The following MYO3A variants were observed in gnomAD, a reference collection of about 807,000 sequenced individuals.
The protein encoded by MYO3A is myosin-IIIa.
MYO3A carries 180 observed loss-of-function variants against 192.7 expected under a neutral mutation model. That is an observed-to-expected ratio of 0.93 (90% CI 0.83 to 1.06). The LOEUF is 1.06. Among genes scored for constraint, MYO3A ranks in the 50% least tolerant of loss-of-function variants. The probability of loss-of-function intolerance (pLI) is 0.00; values close to 1 mark genes in which losing one functional copy is unlikely to be tolerated. For synonymous variants in MYO3A, 628 were observed against 645.3 expected, an observed-to-expected ratio of 0.97 and a Z score of 0.41; for missense variants, 1,896 against 1,905.0, an observed-to-expected ratio of 1.00 and a Z score of 0.09.
chr10:26,075,335 G>A (rs1835463863), intron 14 of MYO3A, among the ~76,000 whole-genome samples: 1 of 150,782 alleles, frequency 6.6e-6, no homozygotes, highest in African/African-American at 2.4e-5. Context: ...ACATAACTAA[G>A]CTCTTTAGTA....
At chr10:26,024,909 C>T (rs1588804979) in intron 9 of MYO3A, among the ~76,000 whole-genome samples, 1 of 152,294 alleles carries the variant, frequency 6.6e-6, no homozygotes, top group African/African-American at 2.4e-5. Context: ...CCTGTTTTGA[C>T]ATCTTTCTCT....
At chr10:26,024,236 G>A (rs560276124) in intron 9 of MYO3A, 149 bp downstream of exon 9, 1 of 762,512 alleles carries the variant, frequency 1.3e-6, no homozygotes, top group Admixed American at 2.4e-5. Flanking sequence ...TAAATGTTGG[G>A]TGAATTTATC....
intron 14 of MYO3A, among the ~76,000 whole-genome samples, chr10:26,078,635 G>A (rs1168136859): frequency 6.6e-6 from 1 of 151,958 alleles, no homozygotes; most frequent in Non-Finnish European, 1.5e-5. Flanking sequence ...TTTTTTTGAT[G>A]TAAGCATTTA....
intron 10 of MYO3A, among the ~76,000 whole-genome samples, chr10:26,065,044 TA>T (rs1015731919): frequency 5.9e-5 from 9 of 152,064 alleles, no homozygotes; most frequent in African/African-American, 2.2e-4. Context: ...CCCCAAAATG[TA>T]ACAGAAAGAT....
At chr10:26,050,440 T>A (rs1211552053) in intron 10 of MYO3A, among the ~76,000 whole-genome samples, 2 of 152,238 alleles carry the variant, frequency 1.3e-5, no homozygotes, top group African/African-American at 4.8e-5. Context: ...GCAGCGGCTC[T>A]GGTAATACAG....
rs751175635 is a variant in MYO3A at position 26,079,041 on chromosome 10, A to G, written c.1359+8640A>G. On this transcript the variant is annotated intron_variant, in intron 14 of 34. Transcript: ENST00000642920. Reference sequence around the variant, plus strand: ...CTGTTAAGTCCATTTGTTCCAAGGTATAGTTTAAATCCATTGTTTCTTTGT... The same window carrying G: ...CTGTTAAGTCCATTTGTTCCAAGGTGTAGTTTAAATCCATTGTTTCTTTGT... 3.3e-5 allele frequency among the ~76,000 whole-genome samples: 5 copies of G among 152,226 alleles called. No individual in the cohort carries two copies. In the East Asian group the frequency reaches 5.8e-4, roughly 18 times the overall value.
intron 6 of MYO3A, among the ~76,000 whole-genome samples, chr10:26,009,354 G>T (rs1033944575): frequency 2.6e-5 from 4 of 152,072 alleles, no homozygotes; most frequent in Admixed American, 2.6e-4. Flanking sequence ...TGCACATTGT[G>T]CACATGTACC....
Position 26,142,921 on chromosome 10 carries a change from A to G in MYO3A, c.2263-527A>G, listed in dbSNP as rs548381966. Among the ~76,000 whole-genome samples, 6 of 152,346 alleles carry G rather than the reference A, an allele frequency of 3.9e-5. No individual in the cohort carries two copies. The South Asian group carries it at 1.2e-3, about 32-fold the overall frequency. On this transcript the variant is annotated intron_variant, in intron 20 of 34. Coordinates refer to ENST00000642920, the MANE Select transcript of MYO3A (RefSeq NM_017433.5). The stretch of plus-strand genomic sequence containing the variant: ...TACATCTTGAAAACTTAGGATGTCC[A>G]TAATTCTAGTATGGAGACTAGAGCT...
In MYO3A at chr10:26,154,747, GC is replaced by G. The variant is rs1352030544; in HGVS notation, c.2718del (p.Asp907ThrfsTer15). ...CACTGTCTTCCTTGGTCTCCTTAGGGCGACACTGGAGAAGCCACACGTCATG... is the reference window on the plus strand; with the variant it reads ...CACTGTCTTCCTTGGTCTCCTTAGGGGACACTGGAGAAGCCACACGTCATG... ...TSEKLINLAK[G>X]DTGEATRHAR... On this transcript the variant is annotated frameshift_variant and splice_region_variant, in exon 25 of 35. Coordinates refer to ENST00000642920, the MANE Select transcript of MYO3A (RefSeq NM_017433.5). LOFTEE classifies it high-confidence loss of function. The G allele has an allele frequency of 6.2e-7, 1 of 1,613,546 alleles. No individual in the cohort carries two copies. Among genetic ancestry groups the G allele is most frequent in the East Asian group, 2.2e-5 (1 of 44,830 alleles).
intron 14 of MYO3A, among the ~76,000 whole-genome samples, chr10:26,077,233 G>GTGTTTTTTTTTT (rs1835633273): frequency 2.8e-5 from 1 of 36,284 alleles, no homozygotes; most frequent in Non-Finnish European, 5.3e-5. Flanking sequence ...TATTCCTAAG[G>GTGTTTTTTTTTT]TTTTTTTTTT....
At position 25,952,213 on chromosome 10, in the gene MYO3A, G is replaced by A; in HGVS notation, c.103G>A (p.Val35Ile). 3 of 1,612,806 alleles carry A rather than the reference G, an allele frequency of 1.9e-6. No individual in the cohort carries two copies. The highest frequency in any genetic ancestry group is 2.5e-6 in the Non-Finnish European group (3 of 1,179,236). ...AATTGGCAAAGGAACTTATGGGAAAGTTTTTAAAGTATTGAATAAGAAAAA... is the reference window on the plus strand; with the variant it reads ...AATTGGCAAAGGAACTTATGGGAAAATTTTTAAAGTATTGAATAAGAAAAA... ...ETIGKGTYGK[V>I]FKVLNKKNGQ... is the part of the protein sequence containing the mutation. Residue 35 changes from valine to isoleucine, a missense_variant, in exon 3 of 35, where the codon GTT (valine) becomes ATT (isoleucine). Transcript: ENST00000642920.
chr10:26,007,879 CTACTT>C (rs1841338844), intron 6 of MYO3A, among the ~76,000 whole-genome samples: 1 of 152,204 alleles, frequency 6.6e-6, no homozygotes, highest in Admixed American at 6.5e-5. Context: ...TTGGAAAAAA[CTACTT>C]TACAGTTCAT....
At chr10:26,009,560 C>G (rs10828931) in intron 6 of MYO3A, among the ~76,000 whole-genome samples, 1 of 151,974 alleles carries the variant, frequency 6.6e-6, no homozygotes, top group East Asian at 1.9e-4. Flanking sequence ...TCCTCAGGTG[C>G]GGGTGTGCAG....
At chr10:26,006,855 G>T (rs1841251396) in intron 6 of MYO3A, among the ~76,000 whole-genome samples, 1 of 151,602 alleles carries the variant, frequency 6.6e-6, no homozygotes, top group African/African-American at 2.4e-5. Flanking sequence ...AATAGAAAAA[G>T]AGGGAATCCT....
chr10:26,120,918 T>C (rs1484866964), intron 18 of MYO3A, 116 bp downstream of exon 18: 47 of 1,316,168 alleles, frequency 3.6e-5, no homozygotes, highest in Non-Finnish European at 4.7e-5. Flanking sequence ...CTTAAAAGAA[T>C]ACTCAGATTT....
At chr10:26,090,821 G>A (rs1836655153) in intron 15 of MYO3A, among the ~76,000 whole-genome samples, 1 of 152,252 alleles carries the variant, frequency 6.6e-6, no homozygotes, top group Admixed American at 6.5e-5. Context: ...GAAGAGCCAA[G>A]AATGAATGGT....
intron 31 of MYO3A, among the ~76,000 whole-genome samples, chr10:26,178,946 C>T (rs1434088969): frequency 2.6e-5 from 4 of 151,864 alleles, no homozygotes; most frequent in Admixed American, 6.5e-5. Context: ...GGGCTCCAGG[C>T]GCCAGCCACC....
chr10:25,938,242 G>T (rs192517425), intron 2 of MYO3A, among the ~76,000 whole-genome samples: 2 of 152,300 alleles, frequency 1.3e-5, no homozygotes, highest in Admixed American at 1.3e-4. Context: ...AAACCAGTCT[G>T]ATAGAGGCTT....
chr10:26,039,768 T>C (rs1285490649), intron 10 of MYO3A, among the ~76,000 whole-genome samples: 2 of 152,204 alleles, frequency 1.3e-5, no homozygotes, highest in Non-Finnish European at 2.9e-5. Context: ...GGGTCTTCTC[T>C]CATTTTTCTT....
Sources: gnomAD v4.1 joint callset for allele counts (sites outside exome capture counted in the v4.1 genomes callset) on GRCh38, gnomAD v4.1.1 for gene constraint, MANE v1.5 for transcripts, NCBI Gene and HGNC (gene_info 2026-07-23, HGNC 2026-07-21) for gene names.